Variants in SORCS1 observed in about 807,000 individuals in gnomAD.
SORCS1 encodes the protein sortilin related VPS10 domain containing receptor 1.
Under a neutral mutation model 146.1 loss-of-function variants are expected in SORCS1, and 60 were observed. The observed-to-expected ratio is 0.41, with a 90% CI of 0.33 to 0.51. The LOEUF is 0.51. Ranked by LOEUF, SORCS1 falls within the 20% of genes least tolerant of loss-of-function variation. SORCS1 has a pLI of 0.21. For synonymous variants in SORCS1, 637 were observed against 584.0 expected (o/e 1.09, Z -1.31); for missense variants, 1,352 against 1,487.6 (o/e 0.91, Z 1.50).
intron 3 of SORCS1, among the ~76,000 whole-genome samples, chr10:106,806,197 G>A (rs1169413111): frequency 6.0e-5 from 9 of 150,180 alleles, no homozygotes; most frequent in Non-Finnish European, 1.2e-4. Context: ...GTGAAACCCC[G>A]TCTCTACTAA....
At chr10:107,152,114 T>A (rs34335144) in intron 1 of SORCS1, among the ~76,000 whole-genome samples, 15,644 of 152,252 alleles carry the variant, frequency 0.1, 901 homozygotes, top group African/African-American at 0.17. Context: ...AATGTACAGC[T>A]CAGGCCATTG....
intron 1 of SORCS1, among the ~76,000 whole-genome samples, chr10:107,117,599 C>A (rs566314012): frequency 1.3e-5 from 2 of 152,270 alleles, no homozygotes; most frequent in East Asian, 3.9e-4. Flanking sequence ...CTCCAGTGGG[C>A]TTGGAGGCAC....
intron 2 of SORCS1, among the ~76,000 whole-genome samples, chr10:106,853,581 A>G (rs772232861): frequency 2.6e-5 from 4 of 151,734 alleles, no homozygotes; most frequent in Admixed American, 6.6e-5. Flanking sequence ...TTTTCTTTTT[A>G]AATATACACT....
chr10:106,579,574 T>C (rs11192967), intron 24 of SORCS1, 100 bp from the exon 25 acceptor site: 69,646 of 1,209,422 alleles, frequency 0.058, 4,087 homozygotes, highest in East Asian at 0.23. Flanking sequence ...AGGTAAGTCC[T>C]GGAAAACCAT....
intron 2 of SORCS1, among the ~76,000 whole-genome samples, chr10:106,904,527 C>A (rs935762558): frequency 1.7e-4 from 26 of 152,150 alleles, no homozygotes; most frequent in Non-Finnish European, 2.8e-4. Context: ...TTGAGGAGAG[C>A]AAGCCTGGTG....
At chr10:107,016,371 G>A (rs898830066) in intron 1 of SORCS1, among the ~76,000 whole-genome samples, 1 of 152,170 alleles carries the variant, frequency 6.6e-6, no homozygotes, top group Admixed American at 6.5e-5. Flanking sequence ...AGGTGCAGTG[G>A]TGCACACCTG....
At chr10:107,113,689 CAA>C (rs538551901) in intron 1 of SORCS1, among the ~76,000 whole-genome samples, 20 of 49,186 alleles carry the variant, frequency 4.1e-4, no homozygotes, top group African/African-American at 7.4e-4. Flanking sequence ...GACTCCATCT[CAA>C]AAAAAAAAAA....
At chr10:107,118,387 T>A (rs574051517) in intron 1 of SORCS1, among the ~76,000 whole-genome samples, 2 of 152,366 alleles carry the variant, frequency 1.3e-5, no homozygotes, top group South Asian at 4.1e-4. Flanking sequence ...AATGTGTTTA[T>A]TTTTTCTTTA....
Position 107,084,514 on chromosome 10 carries a change from T to C in SORCS1, c.558+79455A>G, listed in dbSNP as rs1375322419. 2.0e-5 allele frequency among the ~76,000 whole-genome samples: 3 copies of C among 152,164 alleles called. No individual in the cohort carries two copies. In the East Asian group the frequency reaches 5.8e-4, roughly 29 times the overall value. On this transcript the variant is annotated intron_variant, in intron 1 of 25. Coordinates refer to ENST00000263054, the MANE Select transcript of SORCS1 (RefSeq NM_052918.5). ...CTGCAGATGTGTTTGTGTATGTATA[T>C]GTATGGGAAGAGAAAAGAGGGGAGA... is the stretch of plus-strand genomic sequence containing the variant.
At chr10:107,174,438 G>A in the SORCS1 span, among the ~76,000 whole-genome samples, 17,500 of 152,072 alleles carry the variant, frequency 0.12, 1,037 homozygotes, top group Non-Finnish European at 0.12. Context: ...TCGATCTCCT[G>A]ACCTCGTGAT....
At chr10:106,749,763 A>G (rs987277838) in intron 5 of SORCS1, among the ~76,000 whole-genome samples, 4 of 152,238 alleles carry the variant, frequency 2.6e-5, no homozygotes, top group Admixed American at 6.5e-5. Context: ...TCCTTTTAGC[A>G]GCAGTTAACA....
chr10:107,081,146 G>T (rs1963302896), intron 1 of SORCS1, among the ~76,000 whole-genome samples: 1 of 152,056 alleles, frequency 6.6e-6, no homozygotes, highest in African/African-American at 2.4e-5. Flanking sequence ...ACACTCTGCT[G>T]AACTATCTCT....
chr10:106,797,530 T>A (rs1434513797), intron 3 of SORCS1, among the ~76,000 whole-genome samples: 1 of 152,022 alleles, frequency 6.6e-6, no homozygotes, highest in South Asian at 2.1e-4. Context: ...CTTTTTTTTT[T>A]AGCAGTGCCA....
At chr10:106,685,247 A>G (rs1264766552) in intron 10 of SORCS1, among the ~76,000 whole-genome samples, 2 of 152,120 alleles carry the variant, frequency 1.3e-5, no homozygotes, top group Admixed American at 6.6e-5. Flanking sequence ...TGGAGTGCAC[A>G]CTCCCAACGT....
At chr10:106,996,276 T>C (rs1956998532) in intron 1 of SORCS1, among the ~76,000 whole-genome samples, 1 of 145,694 alleles carries the variant, frequency 6.9e-6, no homozygotes, top group Non-Finnish European at 1.5e-5. Flanking sequence ...AATGTACAAA[T>C]GCAGGCAAAA....
At chr10:107,132,323 A>T (rs1966919415) in intron 1 of SORCS1, among the ~76,000 whole-genome samples, 1 of 152,238 alleles carries the variant, frequency 6.6e-6, no homozygotes, top group African/African-American at 2.4e-5. Flanking sequence ...TTAAAAATTC[A>T]GTGAGAGCCC....
intron 1 of SORCS1, among the ~76,000 whole-genome samples, chr10:106,995,328 A>AG (rs1956948520): frequency 6.6e-6 from 1 of 151,596 alleles, no homozygotes. Flanking sequence ...AAAAAAAAAA[A>AG]GTAAGAACAG....
At chr10:106,615,637 G>T (rs1395741252) in intron 21 of SORCS1, among the ~76,000 whole-genome samples, 1 of 152,084 alleles carries the variant, frequency 6.6e-6, no homozygotes, top group Non-Finnish European at 1.5e-5. Context: ...AACATAGGGA[G>T]ACCCCATAAC....
intron 1 of SORCS1, among the ~76,000 whole-genome samples, chr10:106,957,502 C>G (rs953810182): frequency 6.6e-6 from 1 of 152,090 alleles, no homozygotes; most frequent in Non-Finnish European, 1.5e-5. Flanking sequence ...TTAATTCCTT[C>G]CCTTTGCTCT....
Sources: allele counts gnomAD v4.1 joint callset (sites outside exome capture counted in the v4.1 genomes callset), GRCh38; gene constraint gnomAD v4.1.1; transcripts MANE v1.5; gene names NCBI Gene and HGNC (gene_info 2026-07-23, HGNC 2026-07-21).